The following EML6 variants were observed in gnomAD, a reference collection of about 807,000 sequenced individuals.
EML6 encodes EMAP like 6, also known as echinoderm microtubule-associated protein-like 6.
EML6 carries 154 observed loss-of-function variants against 240.1 expected under a neutral mutation model. The observed-to-expected ratio is 0.64, with a 90% confidence interval of 0.56 to 0.73. The LOEUF (loss-of-function observed/expected upper bound fraction) is 0.73. EML6 is among the 30% of genes least tolerant of loss of function. The pLI, the probability that EML6 is intolerant of heterozygous loss-of-function variation, is 0.00. For synonymous variants in EML6, 1,148 were observed against 899.0 expected, an observed-to-expected ratio of 1.28 and a Z score of -4.95; for missense variants, 2,964 against 2,474.6, an observed-to-expected ratio of 1.20 and a Z score of -4.20.
At chr2:54,895,625 C>T (rs1290986598) in intron 21 of EML6, among the ~76,000 whole-genome samples, 1 of 152,228 alleles carries the variant, frequency 6.6e-6, no homozygotes, top group Non-Finnish European at 1.5e-5. Context: ...AATCTGAGCA[C>T]AGCTTAACTG....
chr2:54,776,536 G>A (rs1158497183), intron 2 of EML6, among the ~76,000 whole-genome samples: 1 of 151,852 alleles, frequency 6.6e-6, no homozygotes, highest in Non-Finnish European at 1.5e-5. Context: ...GCTTATTTGT[G>A]TTTTCTTTCA....
intron 26 of EML6, among the ~76,000 whole-genome samples, chr2:54,918,881 G>A (rs1214231231): frequency 6.6e-6 from 1 of 152,138 alleles, no homozygotes; most frequent in Non-Finnish European, 1.5e-5. Flanking sequence ...ATTACTGTCT[G>A]GTTATCACTA....
chr2:54,877,745 A>G (rs112599685), intron 16 of EML6, among the ~76,000 whole-genome samples: 25 of 152,258 alleles, frequency 1.6e-4, no homozygotes, highest in Non-Finnish European at 2.6e-4. Flanking sequence ...GCCCTTAAGG[A>G]AAGTGTTAAC....
At chr2:54,760,219 T>A (rs896037585) in intron 2 of EML6, among the ~76,000 whole-genome samples, 1 of 151,764 alleles carries the variant, frequency 6.6e-6, no homozygotes, top group Non-Finnish European at 1.5e-5. Flanking sequence ...TTTTTTTTTT[T>A]AATTTTAGAA....
chr2:54,828,332 C>T (rs1354052429), intron 6 of EML6, among the ~76,000 whole-genome samples: 1 of 152,202 alleles, frequency 6.6e-6, no homozygotes, highest in East Asian at 1.9e-4. Context: ...CAAGGAGAAA[C>T]TTCTTACCAC....
At position 54,953,951 on chromosome 2, in the gene EML6, C is replaced by T. The variant is rs546396731; in HGVS notation, c.4313-32C>T. 57 of 1,525,004 alleles carry T rather than the reference C, an allele frequency of 3.7e-5. No individual in the cohort carries two copies. In the African/African-American group the frequency reaches 7.2e-4, roughly 19 times the overall value. The allele number at this position is 1,525,004 out of a possible 1,614,324, so 94.5% of individuals were successfully genotyped here. A position where few individuals can be genotyped will look rare whatever the true frequency, so the allele number is the denominator to read the frequency against. ...CGCCTTGGCTCTGCCATTTGTCAGC[C>T]TTACTTCTTTGTCATGCCTCTCCAC... On this transcript the variant is annotated intron_variant, in intron 31 of 41. Transcript: ENST00000356458.
chr2:54,793,088 T>G (rs1367181535), intron 2 of EML6, among the ~76,000 whole-genome samples: 2 of 152,114 alleles, frequency 1.3e-5, no homozygotes, highest in Non-Finnish European at 2.9e-5. Context: ...GTCAACATCG[T>G]GTAACTCCAT....
chr2:54,843,966 G>GTGTT, intron 7 of EML6, 81 bp from the exon 8 acceptor site: 1 of 309,246 alleles, frequency 3.2e-6, no homozygotes, highest in Admixed American at 4.4e-5. Context: ...TTAGGGTTTT[G>GTGTT]TGTGTGTGTG....
chr2:54,844,291 G>T, intron 8 of EML6, 43 bp downstream of exon 8: 1 of 1,485,212 alleles, frequency 6.7e-7, no homozygotes, highest in South Asian at 1.2e-5. Flanking sequence ...CTTTGAGATG[G>T]ATTTATTTGC....
In EML6 at chr2:54,916,856, C is replaced by T; in HGVS notation, c.3596C>T (p.Ala1199Val). ...AGCGATATAACTGACGTAAATGCTG[C>T]CAGTCTTACCAAAGACTGTTCCCTT... Reference protein sequence around the residue: ...AHSDITDVNAASLTKDCSLLA... With the variant: ...AHSDITDVNAVSLTKDCSLLA... Residue 1199 changes from alanine to valine, a missense_variant, in exon 26 of 42, where the codon GCC becomes GTC. By Grantham distance (64) the Ala-to-Val change is moderately conservative. Transcript: ENST00000356458. 2 of 1,550,832 alleles carry T rather than the reference C, an allele frequency of 1.3e-6. No homozygotes were observed. The highest frequency in any genetic ancestry group is 1.7e-6 in the Non-Finnish European group (2 of 1,146,316).
intron 8 of EML6, among the ~76,000 whole-genome samples, 162 bp from the exon 9 acceptor site, chr2:54,847,324 C>T (rs371587262): frequency 6.6e-6 from 1 of 152,186 alleles, no homozygotes; most frequent in African/African-American, 2.4e-5. Flanking sequence ...ACTAAAACAC[C>T]TTTCCACACT....
intron 2 of EML6, among the ~76,000 whole-genome samples, chr2:54,791,084 A>T (rs1044586374): frequency 6.6e-6 from 1 of 152,164 alleles, no homozygotes; most frequent in African/African-American, 2.4e-5. Flanking sequence ...TTGCATTATC[A>T]CCATTCAGCA....
At chr2:54,939,541 C>T (rs1675318035) in intron 28 of EML6, among the ~76,000 whole-genome samples, 1 of 152,162 alleles carries the variant, frequency 6.6e-6, no homozygotes, top group African/African-American at 2.4e-5. Context: ...GTGATATGCA[C>T]CCATATTTGG....
chr2:54,758,137 A>G (rs1384152070), intron 2 of EML6, among the ~76,000 whole-genome samples: 1 of 152,122 alleles, frequency 6.6e-6, no homozygotes, highest in East Asian at 1.9e-4. Flanking sequence ...ACCATGTGAT[A>G]TCTACACCTT....
At chr2:54,907,134 G>A (rs2104254800) in intron 24 of EML6, among the ~76,000 whole-genome samples, 1 of 152,266 alleles carries the variant, frequency 6.6e-6, no homozygotes, top group South Asian at 2.1e-4. Context: ...AATGTATGGA[G>A]GGAGAGAAAA....
At chr2:54,885,165 C>A (rs1486109953) in intron 17 of EML6, among the ~76,000 whole-genome samples, 3 of 151,174 alleles carry the variant, frequency 2.0e-5, no homozygotes, top group Non-Finnish European at 2.9e-5. Flanking sequence ...TCAAAAAAAA[C>A]CTGGCACGGT....
rs187316345 is a variant in EML6 at position 54,767,705 on chromosome 2, G to T, written c.197+42447G>T. ...ATTTTTTATTTTTTGTAGAGACGGG[G>T]TCTCATTATATTGCCCAGGCTGGTG... On this transcript the variant is annotated intron_variant, in intron 2 of 41. Coordinates refer to ENST00000356458, the MANE Select transcript of EML6 (RefSeq NM_001039753.4). Among the ~76,000 whole-genome samples, 99 of 151,878 alleles carry T rather than the reference G, an allele frequency of 6.5e-4. No individual in the cohort carries two copies. The East Asian group carries it at 0.013, about 20-fold the overall frequency.
At chr2:54,950,581 T>A in intron 29 of EML6, 69 bp from the exon 30 acceptor site, 1 of 1,521,760 alleles carries the variant, frequency 6.6e-7, no homozygotes, top group African/African-American at 1.4e-5. Context: ...GCTCACGCAA[T>A]GTGGGTGTGT....
In EML6 at chr2:54,911,023, A is replaced by G; in HGVS notation, c.3479A>G (p.His1160Arg). 1 of 1,528,828 alleles carries G rather than the reference A, an allele frequency of 6.5e-7. No homozygotes were observed. Among genetic ancestry groups the G allele is most frequent in the East Asian group, 2.5e-5 (1 of 40,710 alleles). The allele number at this position is 1,528,828 out of a possible 1,614,324, so 94.7% of individuals were successfully genotyped here. ...TTTGAAGCTCCAAGAGGCAAACGGC[A>G]TATAATAAGACCTTCAGAGGTAATA... is the stretch of plus-strand genomic sequence containing the variant. ...LFFEAPRGKR[H>R]IIRPSEIEKI... The change falls in exon 25 of 42, where the codon CAT (histidine) becomes CGT (arginine). Residue 1160 changes from histidine (H) to arginine (R), a missense_variant. Coordinates refer to ENST00000356458, the MANE Select transcript of EML6 (RefSeq NM_001039753.4).
Sources: allele counts gnomAD v4.1 joint callset (sites outside exome capture counted in the v4.1 genomes callset), GRCh38; gene constraint gnomAD v4.1.1; transcripts MANE v1.5; gene names NCBI Gene and HGNC (gene_info 2026-07-23, HGNC 2026-07-21).